The following PRKG1 variants were observed in gnomAD, a reference collection of about 807,000 sequenced individuals.
PRKG1 encodes the protein protein kinase cGMP-dependent 1, also known as cGMP-dependent protein kinase 1.
Under a neutral mutation model 88.1 loss-of-function variants are expected in PRKG1, and 35 were observed. The ratio of observed to expected loss-of-function variants is 0.40; its 90% CI spans 0.30 to 0.53. The LOEUF (loss-of-function observed/expected upper bound fraction) is 0.53. PRKG1 is among the 20% of genes least tolerant of loss of function. PRKG1 has a pLI of 0.59. For synonymous variants in PRKG1, 303 were observed against 292.5 expected (o/e 1.04, Z -0.37); for missense variants, 540 against 839.8 (o/e 0.64, Z 4.41).
intron 2 of PRKG1, among the ~76,000 whole-genome samples, chr10:51,200,532 T>A (rs1380174178): frequency 6.6e-6 from 1 of 152,226 alleles, no homozygotes; most frequent in Non-Finnish European, 1.5e-5. Context: ...GTACATTTAT[T>A]GTCTCCCTTA....
At chr10:52,290,419 T>G in intron 17 of PRKG1, 129 bp downstream of exon 17, 1 of 770,830 alleles carries the variant, frequency 1.3e-6, no homozygotes, top group Non-Finnish European at 2.0e-6. Flanking sequence ...AAATGTCACA[T>G]TAAAATAATG....
chr10:51,200,653 G>C (rs1837890133), intron 2 of PRKG1, among the ~76,000 whole-genome samples: 1 of 152,286 alleles, frequency 6.6e-6, no homozygotes, highest in African/African-American at 2.4e-5. Flanking sequence ...TCTGCTTGCT[G>C]AATTATTGCA....
At chr10:52,238,396 G>T (rs1840749466) in intron 9 of PRKG1, among the ~76,000 whole-genome samples, 1 of 147,096 alleles carries the variant, frequency 6.8e-6, no homozygotes, top group Admixed American at 6.8e-5. Context: ...CTACAAAATG[G>T]GAGAAAATTT....
intron 2 of PRKG1, among the ~76,000 whole-genome samples, chr10:51,347,339 GA>G (rs1439950660): frequency 6.6e-6 from 1 of 152,166 alleles, no homozygotes; most frequent in African/African-American, 2.4e-5. Flanking sequence ...TTTAACGACG[GA>G]AAAGCTTAGA....
At chr10:51,747,312 G>T (rs753295528) in intron 3 of PRKG1, among the ~76,000 whole-genome samples, 1 of 152,162 alleles carries the variant, frequency 6.6e-6, no homozygotes, top group South Asian at 2.1e-4. Flanking sequence ...GCTTGTCACT[G>T]TTTCTGAATT....
At chr10:51,665,437 G>A (rs1358692923) in intron 3 of PRKG1, among the ~76,000 whole-genome samples, 2 of 152,002 alleles carry the variant, frequency 1.3e-5, no homozygotes, top group African/African-American at 2.4e-5. Flanking sequence ...ATTTTGCCTA[G>A]TTATCTGAAT....
intron 3 of PRKG1, among the ~76,000 whole-genome samples, chr10:51,479,588 C>T (rs1426141365): frequency 6.6e-6 from 1 of 151,698 alleles, no homozygotes; most frequent in East Asian, 1.9e-4. Flanking sequence ...TTTTTCAATT[C>T]ATTTTTGCTA....
intron 3 of PRKG1, among the ~76,000 whole-genome samples, chr10:51,625,338 G>A (rs1236392707): frequency 2.6e-5 from 4 of 152,208 alleles, no homozygotes; most frequent in South Asian, 4.1e-4. Flanking sequence ...TTAACTGGGT[G>A]TGGTGATGGG....
chr10:51,401,530 C>T (rs1837739750), intron 2 of PRKG1, among the ~76,000 whole-genome samples: 1 of 152,174 alleles, frequency 6.6e-6, no homozygotes, highest in African/African-American at 2.4e-5. Flanking sequence ...TCTGCCTTTT[C>T]CCCTCTTCCC....
At chr10:51,453,730 A>G (rs1285784734) in intron 2 of PRKG1, among the ~76,000 whole-genome samples, 1 of 151,950 alleles carries the variant, frequency 6.6e-6, no homozygotes, top group African/African-American at 2.4e-5. Context: ...GACCTATCCT[A>G]TGGTCCATCT....
intron 7 of PRKG1, among the ~76,000 whole-genome samples, chr10:52,095,941 G>T (rs1206398549): frequency 3.3e-5 from 5 of 152,180 alleles, no homozygotes; most frequent in Non-Finnish European, 5.9e-5. Flanking sequence ...GCTGTGAGTG[G>T]TTGAAGTAGT....
intron 2 of PRKG1, among the ~76,000 whole-genome samples, chr10:51,325,268 T>C: frequency 6.6e-6 from 1 of 152,212 alleles, no homozygotes. Flanking sequence ...GAGTTTGTTT[T>C]GTTTTGTTTT....
At chr10:51,616,826 G>C (rs746772473) in intron 3 of PRKG1, among the ~76,000 whole-genome samples, 8 of 152,084 alleles carry the variant, frequency 5.3e-5, no homozygotes, top group Non-Finnish European at 7.4e-5. Flanking sequence ...TAAGTTGGTG[G>C]GTGGGAACAT....
At chr10:51,975,798 A>G (rs890494036) in intron 5 of PRKG1, among the ~76,000 whole-genome samples, 1 of 152,076 alleles carries the variant, frequency 6.6e-6, no homozygotes, top group Non-Finnish European at 1.5e-5. Context: ...TGACTTCATC[A>G]AAATAAACAC....
intron 3 of PRKG1, among the ~76,000 whole-genome samples, chr10:51,480,149 T>G (rs1840313156): frequency 1.3e-5 from 2 of 152,122 alleles, no homozygotes; most frequent in African/African-American, 2.4e-5. Flanking sequence ...GTGAGCATAT[T>G]TGCACTGCTT....
At chr10:51,848,851 ATT>A (rs752886518) in intron 4 of PRKG1, among the ~76,000 whole-genome samples, 44 of 131,442 alleles carry the variant, frequency 3.3e-4, no homozygotes, top group African/African-American at 7.5e-4. Context: ...TTGCGTTTCT[ATT>A]TTTTTTTTTT....
intron 2 of PRKG1, among the ~76,000 whole-genome samples, chr10:51,454,862 CA>C (rs1839538873): frequency 1.3e-5 from 2 of 152,136 alleles, no homozygotes; most frequent in Admixed American, 6.5e-5. Flanking sequence ...GGGGAAGAAC[CA>C]AACCACATCA....
At chr10:51,382,026 GT>G (rs562526529) in intron 2 of PRKG1, among the ~76,000 whole-genome samples, 45 of 152,058 alleles carry the variant, frequency 3.0e-4, no homozygotes, top group African/African-American at 1.0e-3. Flanking sequence ...TTTGTTGTTG[GT>G]TTTTTTCTCC....
chr10:51,542,432 T>G (rs1331333030), intron 3 of PRKG1, among the ~76,000 whole-genome samples: 1 of 152,288 alleles, frequency 6.6e-6, no homozygotes, highest in East Asian at 1.9e-4. Context: ...TGGAGAGATT[T>G]AGTGCCCAGG....
Sources: gnomAD v4.1 joint callset for allele counts (sites outside exome capture counted in the v4.1 genomes callset) on GRCh38, gnomAD v4.1.1 for gene constraint, MANE v1.5 for transcripts, NCBI Gene and HGNC (gene_info 2026-07-23, HGNC 2026-07-21) for gene names.